The following DTNB variants were observed in gnomAD, a reference collection of about 807,000 sequenced individuals.
The protein encoded by DTNB is dystrobrevin beta.
A neutral mutation model predicts 90.7 loss-of-function variants in DTNB; 63 were observed. The observed-to-expected ratio is 0.69, with a 90% CI of 0.57 to 0.86. The LOEUF is 0.86. Among genes scored for constraint, DTNB ranks in the 40% least tolerant of loss-of-function variants. DTNB has a pLI of 0.00. For missense variants in DTNB, 744 were observed against 807.1 expected, an observed-to-expected ratio of 0.92 and a Z score of 0.95; for synonymous variants, 277 against 286.7, an observed-to-expected ratio of 0.97 and a Z score of 0.34.
chr2:25,386,852 G>C (rs535817405), intron 18 of DTNB, among the ~76,000 whole-genome samples: 8 of 152,334 alleles, frequency 5.3e-5, no homozygotes, highest in African/African-American at 1.9e-4. Flanking sequence ...AATCAAACAG[G>C]AGAGAGCAGA....
intron 8 of DTNB, among the ~76,000 whole-genome samples, chr2:25,553,347 A>G (rs1354506091): frequency 3.3e-5 from 5 of 152,208 alleles, no homozygotes; most frequent in Admixed American, 3.3e-4. Flanking sequence ...TTTAACTGGT[A>G]AGCTATAATT....
At chr2:25,581,567 G>A (rs541798034) in intron 6 of DTNB, among the ~76,000 whole-genome samples, 1 of 152,228 alleles carries the variant, frequency 6.6e-6, no homozygotes, top group Admixed American at 6.5e-5. Context: ...TATATAGTAA[G>A]CTTCCACTGT....
intron 5 of DTNB, among the ~76,000 whole-genome samples, chr2:25,600,300 A>C (rs924019612): frequency 6.6e-6 from 1 of 152,202 alleles, no homozygotes; most frequent in South Asian, 2.1e-4. Flanking sequence ...CCTCCTTTGC[A>C]CATTGCAATG....
intron 8 of DTNB, among the ~76,000 whole-genome samples, chr2:25,537,920 T>C (rs1193628263): frequency 6.6e-6 from 1 of 152,164 alleles, no homozygotes; most frequent in Non-Finnish European, 1.5e-5. Flanking sequence ...AAGGTCTCTG[T>C]ACTTTCTCCC....
At chr2:25,485,725 C>A (rs1018928021) in intron 9 of DTNB, among the ~76,000 whole-genome samples, 1 of 152,192 alleles carries the variant, frequency 6.6e-6, no homozygotes, top group East Asian at 1.9e-4. Flanking sequence ...TTCACTAGAG[C>A]CACGACTCAC....
At chr2:25,472,303 A>G (rs1363518887) in intron 10 of DTNB, among the ~76,000 whole-genome samples, 1 of 152,220 alleles carries the variant, frequency 6.6e-6, no homozygotes, top group East Asian at 1.9e-4. Flanking sequence ...ATGAGAAGGA[A>G]GAATTAGATG....
chr2:25,484,002 C>A (rs1235425194), intron 9 of DTNB, among the ~76,000 whole-genome samples: 1 of 152,176 alleles, frequency 6.6e-6, no homozygotes, highest in Non-Finnish European at 1.5e-5. Flanking sequence ...AGGTTTGTAG[C>A]TTGGAGGCTA....
intron 9 of DTNB, among the ~76,000 whole-genome samples, chr2:25,491,764 G>C (rs2067557419): frequency 6.6e-6 from 1 of 151,872 alleles, no homozygotes; most frequent in South Asian, 2.1e-4. Flanking sequence ...AGAGTGGAGA[G>C]TGTCTTTACT....
chr2:25,397,528 G>C (rs1278079346), intron 16 of DTNB, among the ~76,000 whole-genome samples: 1 of 152,044 alleles, frequency 6.6e-6, no homozygotes. Context: ...GAAATGCCTA[G>C]ATTAAGTGAC....
chr2:25,570,850 A>G (rs1288761646), intron 8 of DTNB, among the ~76,000 whole-genome samples: 2 of 152,160 alleles, frequency 1.3e-5, no homozygotes, highest in Non-Finnish European at 2.9e-5. Context: ...ACCCAGTCTC[A>G]TGGCTATTTT....
intron 8 of DTNB, among the ~76,000 whole-genome samples, chr2:25,536,626 C>T (rs1022789166): frequency 2.0e-4 from 30 of 151,128 alleles, no homozygotes; most frequent in African/African-American, 7.3e-4. Flanking sequence ...CACCGGAGCC[C>T]GAGGCAGGGA....
intron 1 of DTNB, chr2:25,652,882 TCATA>T: frequency 2.3e-6 from 1 of 433,768 alleles, no homozygotes. Flanking sequence ...TTGTATGAGC[TCATA>T]CACTTGCTTA....
At chr2:25,577,428 T>C (rs1055122037) in intron 7 of DTNB, among the ~76,000 whole-genome samples, 1 of 151,484 alleles carries the variant, frequency 6.6e-6, no homozygotes, top group African/African-American at 2.4e-5. Context: ...CAGAGCAAGA[T>C]TCTGTCTCAA....
chr2:25,589,829 C>T (rs887952071), intron 6 of DTNB, among the ~76,000 whole-genome samples: 1 of 152,224 alleles, frequency 6.6e-6, no homozygotes, highest in African/African-American at 2.4e-5. Context: ...CTTGGGCCCA[C>T]TGGACTCGTT....
chr2:25,629,814 G>C (rs1180868341), intron 3 of DTNB, among the ~76,000 whole-genome samples: 2 of 152,070 alleles, frequency 1.3e-5, no homozygotes, highest in African/African-American at 2.4e-5. Flanking sequence ...ACTTAATCAG[G>C]GAAGACTGAA....
intron 9 of DTNB, among the ~76,000 whole-genome samples, chr2:25,485,170 T>A (rs915059174): frequency 3.9e-5 from 6 of 152,100 alleles, no homozygotes; most frequent in East Asian, 1.9e-4. Context: ...ATATATATAT[T>A]TTTTAATTTT....
At chr2:25,548,176 ACTT>A (rs1319498123) in intron 8 of DTNB, among the ~76,000 whole-genome samples, 1 of 152,090 alleles carries the variant, frequency 6.6e-6, no homozygotes, top group Non-Finnish European at 1.5e-5. Context: ...ATTTATCAGT[ACTT>A]CTTTCAGTTT....
At chr2:25,575,711 G>A (rs79700183) in intron 8 of DTNB, among the ~76,000 whole-genome samples, 4,679 of 152,246 alleles carry the variant, frequency 0.031, 90 homozygotes, top group Non-Finnish European at 0.045. Flanking sequence ...ATACTTGAAG[G>A]CCAATAGGAT....
In DTNB at chr2:25,467,996, C is replaced by T. The variant is rs1010363147; in HGVS notation, c.1080-12502G>A. Among the ~76,000 whole-genome samples, 11 of 152,134 alleles carry T rather than the reference C, an allele frequency of 7.2e-5. No individual in the cohort carries two copies. The East Asian group carries it at 2.1e-3, about 30-fold the overall frequency. On this transcript the variant is annotated intron_variant, in intron 10 of 20. Coordinates refer to ENST00000406818, the MANE Select transcript of DTNB (RefSeq NM_021907.5). ...AAGCTGTAGTTTGCCAACCGCTGCC[C>T]TTGTGTGTACCATGTGGTGGCTGGG...
Sources: allele counts gnomAD v4.1 joint callset (sites outside exome capture counted in the v4.1 genomes callset), GRCh38; gene constraint gnomAD v4.1.1; transcripts MANE v1.5; gene names NCBI Gene and HGNC (gene_info 2026-07-23, HGNC 2026-07-21).